NAALADL2: variants seen among roughly 807,000 people sequenced by gnomAD.
The protein encoded by NAALADL2 is inactive N-acetylated-alpha-linked acidic dipeptidase-like protein 2.
Under a neutral mutation model 87.2 loss-of-function variants are expected in NAALADL2, and 76 were observed. The observed-to-expected ratio is 0.87, with a 90% CI of 0.72 to 1.05. The LOEUF is 1.05. Ranked by LOEUF, NAALADL2 falls within the 50% of genes least tolerant of loss-of-function variation. The probability of loss-of-function intolerance (pLI) is 0.00; values close to 1 mark genes in which losing one functional copy is unlikely to be tolerated. For missense variants in NAALADL2, 1,089 were observed against 945.8 expected (o/e 1.15, Z -1.99); for synonymous variants, 354 against 331.0 (o/e 1.07, Z -0.75).
chr3:174,558,272 C>G (rs528324520), intron 2 of NAALADL2, among the ~76,000 whole-genome samples: 1 of 152,124 alleles, frequency 6.6e-6, no homozygotes, highest in Admixed American at 6.6e-5. Flanking sequence ...CGCTTGTTTC[C>G]TCTAGCACAG....
intron 3 of NAALADL2, among the ~76,000 whole-genome samples, chr3:175,242,602 G>C (rs1223331198): frequency 1.3e-5 from 2 of 152,144 alleles, no homozygotes; most frequent in Admixed American, 1.3e-4. Context: ...AAAGTGTCCT[G>C]TGAATATTAA....
intron 2 of NAALADL2, among the ~76,000 whole-genome samples, chr3:175,223,228 A>G (rs1341147313): frequency 6.6e-6 from 1 of 151,938 alleles, no homozygotes; most frequent in East Asian, 1.9e-4. Context: ...GTATTTATTC[A>G]TCTTATTACT....
chr3:174,870,076 GGTGTGTGTGTGTATGA>G (rs1321177396), intron 1 of NAALADL2, among the ~76,000 whole-genome samples: 1 of 150,868 alleles, frequency 6.6e-6, no homozygotes, highest in African/African-American at 2.4e-5. Context: ...TGAGTTTGTG[GGTGTGTGTGTGTATGA>G]GTGTGTGTGT....
chr3:175,625,681 G>A (rs552585076), intron 10 of NAALADL2, among the ~76,000 whole-genome samples: 2 of 151,938 alleles, frequency 1.3e-5, no homozygotes, highest in East Asian at 3.9e-4. Flanking sequence ...TGAAAGTGTC[G>A]GCCGTAGCCT....
At chr3:174,917,857 A>G (rs547781929) in intron 1 of NAALADL2, among the ~76,000 whole-genome samples, 1 of 152,094 alleles carries the variant, frequency 6.6e-6, no homozygotes, top group Non-Finnish European at 1.5e-5. Context: ...GATCATTTTC[A>G]TCACAATTTT....
At chr3:175,256,863 C>A in intron 4 of NAALADL2, 1 of 164,292 alleles carries the variant, frequency 6.1e-6, no homozygotes, top group Non-Finnish European at 1.3e-5. Flanking sequence ...AAAATGAGAA[C>A]CACCCTGTGT....
chr3:175,781,680 G>GT (rs1024595696), intron 13 of NAALADL2, among the ~76,000 whole-genome samples: 4 of 150,364 alleles, frequency 2.7e-5, no homozygotes, highest in African/African-American at 4.9e-5. Context: ...AGTTTAAAAG[G>GT]TAAAAAAAAA....
intron 1 of NAALADL2, among the ~76,000 whole-genome samples, chr3:174,958,091 A>G (rs1741418786): frequency 6.6e-6 from 1 of 151,104 alleles, no homozygotes; most frequent in Non-Finnish European, 1.5e-5. Context: ...TCCGGAAGGA[A>G]CTGACAGCTT....
chr3:174,814,261 G>A (rs549222417), intron 3 of NAALADL2, among the ~76,000 whole-genome samples: 18 of 151,794 alleles, frequency 1.2e-4, no homozygotes, highest in Admixed American at 2.0e-4. Context: ...GGTGCCTACC[G>A]CCACGCCTGG....
At chr3:174,921,180 G>T (rs979780457) in intron 1 of NAALADL2, among the ~76,000 whole-genome samples, 1 of 152,094 alleles carries the variant, frequency 6.6e-6, no homozygotes, top group African/African-American at 2.4e-5. Context: ...TTGATGCGAG[G>T]TTTCTACAAA....
At position 175,627,316 on chromosome 3, in the gene NAALADL2, G is replaced by A. The variant is rs753533452; in HGVS notation, c.1826G>A (p.Arg609His). The A allele has an allele frequency of 2.5e-5, 39 of 1,569,736 alleles. No homozygotes were observed. Among genetic ancestry groups the A allele is most frequent in the Non-Finnish European group, 2.8e-5 (32 of 1,155,070 alleles). The change falls in exon 11 of 14, where the codon CGT becomes CAT. Residue 609 changes from arginine (R) to histidine (H), a missense_variant. Coordinates refer to ENST00000454872, the MANE Select transcript of NAALADL2 (RefSeq NM_207015.3). ...GGTCCAAGTTTTCTCTCCGAGGCCC[G>A]TTTTTCTACACGAGCAACAAAAATT... ...LEGPSFLSEARFSTRATKIEE... is the reference protein window; with the variant it reads ...LEGPSFLSEAHFSTRATKIEE...
intron 1 of NAALADL2, chr3:174,459,734 G>C (rs1468597914): frequency 6.6e-6 from 1 of 152,108 alleles, no homozygotes; most frequent in African/African-American, 2.4e-5. Context: ...TTCAACTGAA[G>C]CTTTACAAAG....
intron 1 of NAALADL2, among the ~76,000 whole-genome samples, chr3:174,924,303 C>T (rs1365315676): frequency 4.1e-5 from 6 of 146,530 alleles, no homozygotes; most frequent in Admixed American, 2.2e-4. Context: ...TGAGTGAGAA[C>T]ATGTGGTGTT....
In NAALADL2 at chr3:175,349,146, A is replaced by G. The variant is rs868802577; in HGVS notation, c.1090+24821A>G. On this transcript the variant is annotated intron_variant, in intron 5 of 13. Transcript: ENST00000454872. ...CCCCACCATCAGAGAATAAGAATGAAAGAGAGAGAGAGAATCCTAATCACA... is the reference window on the plus strand; with the variant it reads ...CCCCACCATCAGAGAATAAGAATGAGAGAGAGAGAGAGAATCCTAATCACA... Among the ~76,000 whole-genome samples the G allele has an allele frequency of 6.6e-5, 10 of 151,808 alleles. No individual in the cohort carries two copies. The East Asian group carries it at 1.4e-3, about 21-fold the overall frequency.
At chr3:174,484,415 C>T (rs1304176056) in intron 1 of NAALADL2, among the ~76,000 whole-genome samples, 1 of 14,822 alleles carries the variant, frequency 6.7e-5, no homozygotes, top group Non-Finnish European at 1.1e-4. Context: ...TATTTGCTGA[C>T]GGATTTAATG....
intron 5 of NAALADL2, among the ~76,000 whole-genome samples, chr3:175,348,322 G>A (rs898342968): frequency 2.0e-5 from 3 of 151,982 alleles, no homozygotes; most frequent in Non-Finnish European, 4.4e-5. Context: ...AAGTGCAAAA[G>A]GTTAGTTCTA....
At chr3:175,320,032 GGTT>G (rs1257810286) in intron 4 of NAALADL2, among the ~76,000 whole-genome samples, 11 of 152,106 alleles carry the variant, frequency 7.2e-5, no homozygotes, top group Admixed American at 7.2e-4. Flanking sequence ...AGTGAAGTAT[GGTT>G]GTTAACTAAA....
chr3:174,988,496 C>A (rs150584920), intron 1 of NAALADL2, among the ~76,000 whole-genome samples: 246 of 152,260 alleles, frequency 1.6e-3, no homozygotes, highest in African/African-American at 5.3e-3. Context: ...TATTAGTTTT[C>A]TGGTCTGCCA....
At chr3:175,142,643 T>A (rs1235442081) in intron 2 of NAALADL2, among the ~76,000 whole-genome samples, 1 of 151,978 alleles carries the variant, frequency 6.6e-6, no homozygotes, top group Admixed American at 6.6e-5. Context: ...TGATTTCTCC[T>A]AGATTTATTG....
Sources: gnomAD v4.1 joint callset for allele counts (sites outside exome capture counted in the v4.1 genomes callset) on GRCh38, gnomAD v4.1.1 for gene constraint, MANE v1.5 for transcripts, NCBI Gene and HGNC (gene_info 2026-07-23, HGNC 2026-07-21) for gene names.